Variants in PALLD observed in about 807,000 individuals in gnomAD.
PALLD encodes palladin.
PALLD carries 61 observed loss-of-function variants against 123.5 expected under a neutral mutation model. The ratio of observed to expected loss-of-function variants is 0.49; its 90% CI spans 0.40 to 0.61. The LOEUF (loss-of-function observed/expected upper bound fraction) is 0.61, where lower values mean the gene tolerates loss of function less well. Among genes scored for constraint, PALLD ranks in the 20% least tolerant of loss-of-function variants. The pLI is 0.00. For missense variants in PALLD, 1,273 were observed against 1,377.0 expected (o/e 0.92, Z 1.20); for synonymous variants, 465 against 496.4 (o/e 0.94, Z 0.84).
At chr4:168,776,400 A>C (rs1172814208) in intron 10 of PALLD, among the ~76,000 whole-genome samples, 1 of 152,178 alleles carries the variant, frequency 6.6e-6, no homozygotes, top group South Asian at 2.1e-4. Context: ...TTCTAGTAGC[A>C]TTTTTATAGA....
intron 10 of PALLD, among the ~76,000 whole-genome samples, chr4:168,783,044 ATATGTGTG>A (rs59250449): frequency 3.5e-4 from 29 of 82,296 alleles, no homozygotes; most frequent in African/African-American, 8.5e-4. Context: ...TTTTATATAT[ATATGTGTG>A]TGTGTGTGTG....
intron 10 of PALLD, among the ~76,000 whole-genome samples, chr4:168,795,288 C>T (rs1738326647): frequency 6.6e-6 from 1 of 152,076 alleles, no homozygotes; most frequent in Admixed American, 6.6e-5. Context: ...TTTTGGTAAC[C>T]CACTGTTGTG....
At chr4:168,747,229 G>A (rs1300900350) in intron 10 of PALLD, among the ~76,000 whole-genome samples, 2 of 152,166 alleles carry the variant, frequency 1.3e-5, no homozygotes, top group South Asian at 2.1e-4. Context: ...GCATAAAAGG[G>A]TAGATCACTT....
At chr4:168,759,854 G>C (rs555325956) in intron 10 of PALLD, among the ~76,000 whole-genome samples, 8 of 152,170 alleles carry the variant, frequency 5.3e-5, no homozygotes, top group African/African-American at 1.9e-4. Context: ...AGGAGTTCGA[G>C]ATCAGCCTGG....
intron 10 of PALLD, among the ~76,000 whole-genome samples, chr4:168,858,625 T>G (rs1282418159): frequency 6.6e-6 from 1 of 151,640 alleles, no homozygotes; most frequent in African/African-American, 2.4e-5. Flanking sequence ...TCTACAAAAG[T>G]AAAAAAATTA....
At chr4:168,682,967 C>A in intron 4 of PALLD, 31 bp from the exon 5 acceptor site, 1 of 1,256,532 alleles carries the variant, frequency 8.0e-7, no homozygotes, top group Non-Finnish European at 1.2e-6. Flanking sequence ...AAAAAATATT[C>A]TGACTAAACA....
In PALLD at chr4:168,709,161, A is replaced by G; in HGVS notation, c.1621+14A>G. 1 of 1,600,372 alleles carries G rather than the reference A, an allele frequency of 6.2e-7. No individual in the cohort carries two copies. Among genetic ancestry groups the G allele is most frequent in the Middle Eastern group, 1.7e-4 (1 of 6,004 alleles). ...TTGTCACCTCAGGTATGTGAGGAGT[A>G]AAAAAAATGACTGGGTTCTGTTCCC... is the stretch of plus-strand genomic sequence containing the variant. On this transcript the variant is annotated intron_variant, in intron 9 of 21. Coordinates refer to ENST00000505667, the MANE Select transcript of PALLD (RefSeq NM_001166108.2).
intron 10 of PALLD, among the ~76,000 whole-genome samples, chr4:168,835,535 T>G (rs1172842777): frequency 6.6e-6 from 1 of 152,190 alleles, no homozygotes; most frequent in East Asian, 1.9e-4. Context: ...CACTCATTTC[T>G]TCTTAGTTCA....
intron 10 of PALLD, among the ~76,000 whole-genome samples, chr4:168,804,987 C>T (rs1271801948): frequency 6.6e-6 from 1 of 152,002 alleles, no homozygotes; most frequent in Non-Finnish European, 1.5e-5. Flanking sequence ...GGTGAAACCC[C>T]ATCTCTACTA....
intron 10 of PALLD, among the ~76,000 whole-genome samples, chr4:168,735,826 A>G (rs1267703127): frequency 6.6e-6 from 1 of 152,060 alleles, no homozygotes; most frequent in Non-Finnish European, 1.5e-5. Flanking sequence ...AGCGAGGATT[A>G]GTTGTATCCG....
intron 15 of PALLD, chr4:168,904,388 G>C (rs1757182748): frequency 6.2e-6 from 1 of 160,192 alleles, no homozygotes; most frequent in Admixed American, 5.9e-5. Flanking sequence ...AATTTTGATA[G>C]CATTCAGGTT....
At chr4:168,884,840 C>G (rs1289699843) in intron 10 of PALLD, among the ~76,000 whole-genome samples, 11 of 152,280 alleles carry the variant, frequency 7.2e-5, no homozygotes, top group Non-Finnish European at 1.3e-4. Context: ...TGAATATTTT[C>G]TGTTTGCCAC....
intron 1 of PALLD, among the ~76,000 whole-genome samples, chr4:168,508,130 AGAAG>A (rs1762184311): frequency 2.0e-5 from 3 of 152,214 alleles, no homozygotes; most frequent in African/African-American, 7.2e-5. Flanking sequence ...TCAAATGGCT[AGAAG>A]GAAGATGTTG....
intron 10 of PALLD, among the ~76,000 whole-genome samples, chr4:168,723,274 G>A (rs1413069151): frequency 6.6e-6 from 1 of 152,194 alleles, no homozygotes; most frequent in African/African-American, 2.4e-5. Flanking sequence ...CAGAATGACT[G>A]TAGGTGGAGT....
chr4:168,725,565 T>C (rs1029078383), intron 10 of PALLD, among the ~76,000 whole-genome samples: 9 of 148,000 alleles, frequency 6.1e-5, no homozygotes, highest in African/African-American at 1.3e-4. Context: ...CTTGCTCTGT[T>C]GCCCAGGCTG....
intron 10 of PALLD, among the ~76,000 whole-genome samples, chr4:168,846,904 T>G (rs1444423941): frequency 6.6e-6 from 1 of 152,130 alleles, no homozygotes; most frequent in Non-Finnish European, 1.5e-5. Context: ...AATATTACCA[T>G]GAAAAAATGT....
chr4:168,870,988 C>T (rs538048149), intron 10 of PALLD, among the ~76,000 whole-genome samples: 1 of 152,306 alleles, frequency 6.6e-6, no homozygotes, highest in South Asian at 2.1e-4. Context: ...TATTGAGTGG[C>T]TTCCCTGTGA....
At chr4:168,746,542 A>C (rs924048789) in intron 10 of PALLD, among the ~76,000 whole-genome samples, 7 of 152,126 alleles carry the variant, frequency 4.6e-5, no homozygotes, top group Admixed American at 4.6e-4. Context: ...CACAGTCCTT[A>C]GTGCATTGTA....
In PALLD at chr4:168,881,037, T is replaced by C. The variant is rs538039729; in HGVS notation, c.1965-9885T>C. ...TTCATGCCTCAGCCACCTAAATAGC[T>C]GGGATTACAGGTGTGGGCCATCACG... On this transcript the variant is annotated intron_variant, in intron 10 of 21. Transcript: ENST00000505667. Among the ~76,000 whole-genome samples, 5 of 152,226 alleles carry C rather than the reference T, an allele frequency of 3.3e-5. No individual in the cohort carries two copies. In the East Asian group the frequency reaches 9.7e-4, roughly 29 times the overall value.
Sources: allele counts gnomAD v4.1 joint callset (sites outside exome capture counted in the v4.1 genomes callset), GRCh38; gene constraint gnomAD v4.1.1; transcripts MANE v1.5; gene names NCBI Gene and HGNC (gene_info 2026-07-23, HGNC 2026-07-21).